The following RBMS3 variants were observed in gnomAD, a reference collection of about 807,000 sequenced individuals.
RBMS3 encodes RNA binding motif single stranded interacting protein 3.
Under a neutral mutation model 66.8 loss-of-function variants are expected in RBMS3, and 27 were observed. That is an observed-to-expected ratio of 0.40 (90% confidence interval 0.30 to 0.56). RBMS3 has a LOEUF of 0.56. RBMS3 is among the 20% of genes least tolerant of loss of function. The probability of loss-of-function intolerance (pLI) is 0.40; values close to 1 mark genes in which losing one functional copy is unlikely to be tolerated. For synonymous variants in RBMS3, 188 were observed against 183.0 expected (o/e 1.03, Z -0.22); for missense variants, 513 against 549.5 (o/e 0.93, Z 0.66).
At chr3:29,772,173 T>C (rs903609711) in intron 6 of RBMS3, among the ~76,000 whole-genome samples, 1 of 151,808 alleles carries the variant, frequency 6.6e-6, no homozygotes, top group Admixed American at 6.6e-5. Context: ...GACTTGGATT[T>C]CCCCCCTAGA....
intron 4 of RBMS3, among the ~76,000 whole-genome samples, chr3:29,609,674 G>A (rs2048430031): frequency 6.6e-6 from 1 of 152,018 alleles, no homozygotes; most frequent in East Asian, 1.9e-4. Flanking sequence ...CAAAAGGCCT[G>A]ATACATGGTA....
chr3:29,920,851 C>G (rs920556032), intron 10 of RBMS3, among the ~76,000 whole-genome samples: 1 of 88,328 alleles, frequency 1.1e-5, no homozygotes, highest in African/African-American at 5.2e-5. Flanking sequence ...GGCACGTGGT[C>G]TCAAAAAAAA....
At chr3:29,497,969 A>ATCCTTTTTTTT (rs1553611689) in intron 3 of RBMS3, among the ~76,000 whole-genome samples, 3 of 59,278 alleles carry the variant, frequency 5.1e-5, no homozygotes, top group Non-Finnish European at 1.0e-4. Context: ...CTCTAAAAGT[A>ATCCTTTTTTTT]TTCATTTTTT....
At chr3:29,725,286 ATTTC>A (rs2053813832) in intron 4 of RBMS3, among the ~76,000 whole-genome samples, 1 of 152,170 alleles carries the variant, frequency 6.6e-6, no homozygotes. Context: ...CGTAAGACTT[ATTTC>A]TTTCTAACTT....
intron 4 of RBMS3, among the ~76,000 whole-genome samples, chr3:29,677,803 G>T (rs937065854): frequency 1.3e-5 from 2 of 152,078 alleles, no homozygotes; most frequent in African/African-American, 4.8e-5. Context: ...AACCTAATAA[G>T]AGTTGTTACA....
intron 6 of RBMS3, among the ~76,000 whole-genome samples, chr3:29,862,907 G>A (rs1200369253): frequency 2.0e-5 from 3 of 151,718 alleles, no homozygotes; most frequent in African/African-American, 2.4e-5. Flanking sequence ...ACTATTCAGG[G>A]ATGGAAGGAT....
intron 12 of RBMS3, among the ~76,000 whole-genome samples, chr3:29,984,972 C>T (rs1230910688): frequency 1.3e-5 from 2 of 152,212 alleles, no homozygotes; most frequent in African/African-American, 2.4e-5. Flanking sequence ...CAGGCAGGAA[C>T]ATTTGTCTGC....
intron 14 of RBMS3, among the ~76,000 whole-genome samples, chr3:29,995,305 G>C (rs201765003): frequency 0.11 from 16,034 of 151,638 alleles, 829 homozygotes; most frequent in African/African-American, 0.24. Context: ...ACCTGAAAGT[G>C]ATGGGGAGAA....
intron 6 of RBMS3, among the ~76,000 whole-genome samples, chr3:29,865,809 T>A (rs1270431896): frequency 6.6e-6 from 1 of 152,076 alleles, no homozygotes; most frequent in Non-Finnish European, 1.5e-5. Context: ...TCTGCTTATA[T>A]GGACACAGTG....
At chr3:29,396,789 A>T (rs1214974322) in intron 1 of RBMS3, among the ~76,000 whole-genome samples, 1 of 152,162 alleles carries the variant, frequency 6.6e-6, no homozygotes, top group African/African-American at 2.4e-5. Flanking sequence ...AAATACTTTT[A>T]AATATAATGA....
rs374404450 is a variant in RBMS3 at position 29,291,738 on chromosome 3, T to G, written c.75+9982T>G. Among the ~76,000 whole-genome samples the G allele has an allele frequency of 2.2e-4, 34 of 151,928 alleles. No homozygotes were observed. The East Asian group carries it at 3.7e-3, about 17-fold the overall frequency. ...GTTATTTACCTAGGATAATAACATC[T>G]CTTGGTGTCTAGAAGTCTCTCTCAG... is the stretch of plus-strand genomic sequence containing the variant. On this transcript the variant is annotated intron_variant, in intron 1 of 14. Coordinates refer to ENST00000383767, the MANE Select transcript of RBMS3 (RefSeq NM_001003793.3).
chr3:29,577,243 A>G (rs1162278382), intron 3 of RBMS3, among the ~76,000 whole-genome samples: 2 of 152,180 alleles, frequency 1.3e-5, no homozygotes, highest in African/African-American at 2.4e-5. Flanking sequence ...ATTCTGCCCA[A>G]TGCCCTATTC....
intron 3 of RBMS3, among the ~76,000 whole-genome samples, chr3:29,506,704 C>T (rs371367212): frequency 6.6e-6 from 1 of 151,910 alleles, no homozygotes; most frequent in Non-Finnish European, 1.5e-5. Flanking sequence ...CATCAGGTCC[C>T]GGACTTTTCT....
chr3:29,332,449 G>C (rs1575561369), intron 1 of RBMS3, among the ~76,000 whole-genome samples: 1 of 152,086 alleles, frequency 6.6e-6, no homozygotes, highest in African/African-American at 2.4e-5. Flanking sequence ...TGAGAAACAT[G>C]CTTTATCTAA....
chr3:29,415,667 C>T (rs531707472), intron 1 of RBMS3, among the ~76,000 whole-genome samples: 1 of 152,192 alleles, frequency 6.6e-6, no homozygotes, highest in South Asian at 2.1e-4. Context: ...AAGTGAAGTG[C>T]TCTGAATAGA....
chr3:29,946,586 T>A (rs1695329801), intron 12 of RBMS3, among the ~76,000 whole-genome samples: 1 of 151,654 alleles, frequency 6.6e-6, no homozygotes, highest in African/African-American at 2.4e-5. Context: ...TTATTTGTGT[T>A]GTCGTGATGT....
intron 4 of RBMS3, among the ~76,000 whole-genome samples, chr3:29,630,267 A>G (rs1270197384): frequency 6.6e-6 from 1 of 152,078 alleles, no homozygotes; most frequent in Non-Finnish European, 1.5e-5. Context: ...GTCGTACAGC[A>G]TAGAAAAGCT....
At chr3:29,734,191 A>C (rs1029865117) in intron 4 of RBMS3, among the ~76,000 whole-genome samples, 2 of 152,094 alleles carry the variant, frequency 1.3e-5, no homozygotes, top group East Asian at 3.8e-4. Flanking sequence ...GGAGCTAAAA[A>C]ACTTGAACTC....
chr3:29,650,099 C>A (rs1048819238), intron 4 of RBMS3, among the ~76,000 whole-genome samples: 1 of 152,130 alleles, frequency 6.6e-6, no homozygotes, highest in Non-Finnish European at 1.5e-5. Context: ...TTTAGTTTCA[C>A]ATCCTCATAC....
Sources: gnomAD v4.1 joint callset for allele counts (sites outside exome capture counted in the v4.1 genomes callset) on GRCh38, gnomAD v4.1.1 for gene constraint, MANE v1.5 for transcripts, NCBI Gene and HGNC (gene_info 2026-07-23, HGNC 2026-07-21) for gene names.